GKAP1: variants seen among roughly 807,000 people sequenced by gnomAD.
The protein encoded by GKAP1 is G kinase anchoring protein 1, also known as G kinase-anchoring protein 1.
In GKAP1, 31 loss-of-function variants were observed where a neutral mutation model predicts 56.7. The ratio of observed to expected loss-of-function variants is 0.55; its 90% confidence interval spans 0.41 to 0.74. GKAP1 has a LOEUF of 0.74. GKAP1 is among the 30% of genes least tolerant of loss of function. GKAP1 has a pLI of 0.00. For missense variants in GKAP1, 364 were observed against 402.3 expected (o/e 0.90, Z 0.82); for synonymous variants, 151 against 138.6 (o/e 1.09, Z -0.63).
chr9:83,760,349 G>A (rs1943548167), intron 8 of GKAP1, among the ~76,000 whole-genome samples: 1 of 152,100 alleles, frequency 6.6e-6, no homozygotes, highest in African/African-American at 2.4e-5. Context: ...CCCAACACTG[G>A]AGCACCCAGA....
chr9:83,795,324 G>A (rs982474830), intron 4 of GKAP1, among the ~76,000 whole-genome samples: 6 of 151,918 alleles, frequency 3.9e-5, no homozygotes, highest in African/African-American at 1.5e-4. Context: ...CACATCTTTT[G>A]ATATATACAT....
intron 8 of GKAP1, among the ~76,000 whole-genome samples, chr9:83,765,580 C>A (rs769331399): frequency 1.3e-4 from 20 of 152,232 alleles, no homozygotes; most frequent in Admixed American, 7.2e-4. Flanking sequence ...AGGCTGTACC[C>A]TGCAAAGCCA....
intron 8 of GKAP1, among the ~76,000 whole-genome samples, chr9:83,761,961 G>GA (rs1251092264): frequency 6.6e-6 from 1 of 151,928 alleles, no homozygotes; most frequent in African/African-American, 2.4e-5. Flanking sequence ...ACTGGATGGG[G>GA]AAAAACTGAA....
chr9:83,741,728 T>C (rs922031638), intron 12 of GKAP1, among the ~76,000 whole-genome samples: 2 of 152,186 alleles, frequency 1.3e-5, no homozygotes, highest in African/African-American at 4.8e-5. Flanking sequence ...GTATCATCTA[T>C]GTAGTACCAA....
intron 6 of GKAP1, 33 bp downstream of exon 6, chr9:83,784,682 T>C (rs1281130365): frequency 6.9e-7 from 1 of 1,458,026 alleles, no homozygotes; most frequent in South Asian, 1.3e-5. Context: ...GTAGAATAGT[T>C]CTTTTAGCAT....
chr9:83,742,308 A>G (rs1019406830), intron 11 of GKAP1, among the ~76,000 whole-genome samples: 2 of 152,158 alleles, frequency 1.3e-5, no homozygotes, highest in Non-Finnish European at 2.9e-5. Flanking sequence ...TTCATGGTTC[A>G]TTAAAATACA....
intron 12 of GKAP1, among the ~76,000 whole-genome samples, chr9:83,740,367 C>T (rs144229846): frequency 0.012 from 1,735 of 146,504 alleles, 21 homozygotes; most frequent in Non-Finnish European, 0.019. Context: ...AATATTTTAA[C>T]ATAACATAAC....
At position 83,739,687 on chromosome 9, in the gene GKAP1, G is replaced by A; in HGVS notation, c.*10C>T. On this transcript the variant is annotated 3_prime_UTR_variant, in exon 13 of 13. Transcript: ENST00000376371. Reference sequence around the variant, plus strand: ...TTTAAACTTTGTGTTGACTTCAAAGGCTAATGTAATCACCTACACTGGTCG... The same window carrying A: ...TTTAAACTTTGTGTTGACTTCAAAGACTAATGTAATCACCTACACTGGTCG... 1 of 1,597,970 alleles carries A rather than the reference G, an allele frequency of 6.3e-7. No homozygotes were observed. The highest frequency in any genetic ancestry group is 2.2e-5 in the East Asian group (1 of 44,722).
Position 83,806,426 on chromosome 9 carries a change from G to A in GKAP1, c.92C>T (p.Pro31Leu), listed in dbSNP as rs145600190. 2.3e-5 allele frequency: 37 copies of A among 1,612,872 alleles called. No individual in the cohort carries two copies. Among genetic ancestry groups the A allele is most frequent in the Non-Finnish European group, 3.1e-5 (36 of 1,179,480 alleles). ...VDSGSGSDSE[P>L]GKGKGRNTGK... ...AGTATTTCGACCTTTACCTTTTCCA[G>A]GTTCAGAATCAGAGCCACTGCCACT... is the stretch of plus-strand genomic sequence containing the variant. The change falls in exon 3 of 13, where the codon CCT (proline) becomes CTT (leucine). Residue 31 changes from proline to leucine, a missense_variant. Coordinates refer to ENST00000376371, the MANE Select transcript of GKAP1 (RefSeq NM_025211.4).
In GKAP1 at chr9:83,806,351, CTTTT is replaced by C; in HGVS notation, c.163_166del (p.Lys55GlufsTer66). On this transcript the variant is annotated frameshift_variant, in exon 3 of 13. Transcript: ENST00000376371. LOFTEE classifies it high-confidence loss of function. ...TTCCTTCTTTTTTCTTCTTTTCTCTCTTTTTTTCTCATTTGTAGTTGACTTGCTT... is the reference window on the plus strand; with the variant it reads ...TTCCTTCTTTTTTCTTCTTTTCTCTCTTTCTCATTTGTAGTTGACTTGCTT... The C allele has an allele frequency of 6.4e-7, 1 of 1,558,284 alleles. No homozygotes were observed. The highest frequency in any genetic ancestry group is 8.7e-7 in the Non-Finnish European group (1 of 1,150,360).
chr9:83,794,704 G>T (rs1379580869), intron 4 of GKAP1, among the ~76,000 whole-genome samples: 4 of 152,034 alleles, frequency 2.6e-5, no homozygotes, highest in African/African-American at 9.7e-5. Context: ...TATTTTTTGA[G>T]TCATGACTTT....
At chr9:83,783,302 C>T (rs1036873108) in intron 6 of GKAP1, among the ~76,000 whole-genome samples, 2 of 152,050 alleles carry the variant, frequency 1.3e-5, no homozygotes, top group South Asian at 2.1e-4. Flanking sequence ...ATAGACACAG[C>T]GCTGTTCAAT....
At chr9:83,802,235 C>G (rs1395809423) in intron 3 of GKAP1, among the ~76,000 whole-genome samples, 1 of 152,122 alleles carries the variant, frequency 6.6e-6, no homozygotes, top group Non-Finnish European at 1.5e-5. Flanking sequence ...AATCCCAGTA[C>G]TTTGGGAGGC....
intron 12 of GKAP1, among the ~76,000 whole-genome samples, chr9:83,739,996 T>C (rs760208649): frequency 3.9e-5 from 6 of 152,180 alleles, no homozygotes; most frequent in Non-Finnish European, 8.8e-5. Context: ...AGCTCACCGA[T>C]ATCTTATTTT....
At chr9:83,749,145 A>T (rs1166036378) in intron 9 of GKAP1, 1 of 151,978 alleles carries the variant, frequency 6.6e-6, no homozygotes, top group Non-Finnish European at 1.5e-5. Flanking sequence ...CCACATTAAC[A>T]TCCATATTTT....
intron 6 of GKAP1, among the ~76,000 whole-genome samples, chr9:83,781,129 C>T (rs1587718963): frequency 2.0e-5 from 3 of 152,010 alleles, no homozygotes; most frequent in Admixed American, 2.0e-4. Context: ...TTGGGAGGCC[C>T]AGGCGGGCGG....
At chr9:83,776,950 A>T (rs1271521053) in intron 7 of GKAP1, among the ~76,000 whole-genome samples, 1 of 152,258 alleles carries the variant, frequency 6.6e-6, no homozygotes, top group East Asian at 1.9e-4. Flanking sequence ...ACAGTGCTAT[A>T]AGAAGGAAGT....
intron 2 of GKAP1, among the ~76,000 whole-genome samples, chr9:83,813,755 A>C (rs961400372): frequency 4.6e-5 from 7 of 152,336 alleles, no homozygotes; most frequent in East Asian, 3.9e-4. Context: ...ATCTTCTACT[A>C]TCTTCCATAA....
At chr9:83,767,825 T>A (rs947375154) in intron 8 of GKAP1, among the ~76,000 whole-genome samples, 1 of 152,122 alleles carries the variant, frequency 6.6e-6, no homozygotes, top group Admixed American at 6.6e-5. Context: ...TAGCTGAGAT[T>A]ATAGGCATGT....
Sources: allele counts gnomAD v4.1 joint callset (sites outside exome capture counted in the v4.1 genomes callset), GRCh38; gene constraint gnomAD v4.1.1; transcripts MANE v1.5; gene names NCBI Gene and HGNC (gene_info 2026-07-23, HGNC 2026-07-21).